The following SSTR3 variants were observed in gnomAD, a reference collection of about 807,000 sequenced individuals.
SSTR3 encodes the protein somatostatin receptor type 3.
For synonymous variants in SSTR3, 281 were observed against 269.2 expected (o/e 1.04, Z -0.43); for missense variants, 504 against 604.7 (o/e 0.83, Z 1.75).
At chr22:37,210,293 C>T (rs1249533275) in intron 1 of SSTR3, among the ~76,000 whole-genome samples, 1 of 152,232 alleles carries the variant, frequency 6.6e-6, no homozygotes, top group Non-Finnish European at 1.5e-5. Context: ...CCCACCCCCA[C>T]GCCTGCCCAG....
intron 1 of SSTR3, 108 bp downstream of exon 1, chr22:37,211,717 C>A (rs1478250470): frequency 7.1e-6 from 7 of 981,914 alleles, no homozygotes; most frequent in Non-Finnish European, 8.5e-6. Flanking sequence ...CCCTGGGAGT[C>A]CCCACCCTCT....
At chr22:37,219,891 G>T in the SSTR3 span, among the ~76,000 whole-genome samples, 1 of 152,160 alleles carries the variant, frequency 6.6e-6, no homozygotes, top group Non-Finnish European at 1.5e-5. Context: ...GTTGGAGGCT[G>T]GGCTCAGCTG....
rs1286751575 is a variant in SSTR3, at chr22:37,211,877, G to A, written c.-89C>T. ...TTGCCGCCAGGCTGGTTATCATTCTGCTGTCCCCTCTCCCTGCCCAGTCCC... is the reference window on the plus strand; with the variant it reads ...TTGCCGCCAGGCTGGTTATCATTCTACTGTCCCCTCTCCCTGCCCAGTCCC... On this transcript the variant is annotated 5_prime_UTR_variant, in exon 1 of 2. Coordinates refer to ENST00000610913, the MANE Select transcript of SSTR3 (RefSeq NM_001051.5). 4 of 985,748 alleles carry A rather than the reference G, an allele frequency of 4.1e-6. No homozygotes were observed. In the East Asian group the frequency reaches 4.5e-4, roughly 112 times the overall value. 61.1% of individuals were successfully genotyped at this position (985,748 alleles called of 1,614,324 possible).
upstream of SSTR3, among the ~76,000 whole-genome samples, chr22:37,213,530 G>A (rs1298153474): frequency 2.0e-5 from 3 of 152,114 alleles, no homozygotes; most frequent in Admixed American, 6.5e-5. Flanking sequence ...CCATGCATGC[G>A]GCAGCACACA....
chr22:37,206,774 G>A lies in SSTR3; in HGVS notation c.1030C>T (p.Pro344Ser). ...RVRSQEPTVG[P>S]PEKTEEEDEE... is the part of the protein sequence containing the mutation. ...TCCTCCTCCTCAGTCTTCTCCGGGGGCCCCACAGTGGGCTCCTGGCTGCGC... is the reference window on the plus strand; with the variant it reads ...TCCTCCTCCTCAGTCTTCTCCGGGGACCCCACAGTGGGCTCCTGGCTGCGC... The change falls in exon 2 of 2, where the codon CCC (proline) becomes TCC (serine). Residue 344 changes from proline to serine, a missense_variant. Transcript: ENST00000610913. 1 of 1,610,796 alleles carries A rather than the reference G, an allele frequency of 6.2e-7. No homozygotes were observed. The highest frequency in any genetic ancestry group is 8.5e-7 in the Non-Finnish European group (1 of 1,179,732).
chr22:37,206,523 G>T lies in SSTR3; in HGVS notation c.*24C>A. The T allele has an allele frequency of 6.3e-7, 1 of 1,575,932 alleles. No individual in the cohort carries two copies. On this transcript the variant is annotated 3_prime_UTR_variant, in exon 2 of 2. Transcript: ENST00000610913. ...CCCACGGCTTCTGCCTCTTCCTCGG[G>T]CCATCCTGGCTTTCCCCAGGCCCCT...
In SSTR3 at chr22:37,207,696, G is replaced by T. The variant is rs761652974; in HGVS notation, c.108C>A (p.Ser36Arg). The T allele has an allele frequency of 6.4e-7, 1 of 1,556,660 alleles. No homozygotes were observed. Among genetic ancestry groups the T allele is most frequent in the South Asian group, 1.2e-5 (1 of 82,876 alleles). The change falls in exon 2 of 2, where the codon AGC (serine) becomes AGA (arginine). Residue 36 changes from serine (S) to arginine (R), a missense_variant. Ser to Arg is a moderately radical substitution (Grantham distance 110, BLOSUM62 -1). Coordinates refer to ENST00000610913, the MANE Select transcript of SSTR3 (RefSeq NM_001051.5). ...CGCCACTGACGGCCAGCCCTGCCGG[G>T]CTTGGGCCCGCCGACACGTTGCCCA... is the stretch of plus-strand genomic sequence containing the variant. ...ATLGNVSAGP[S>R]PAGLAVSGVL...
Position 37,207,615 on chromosome 22 carries a change from C to A in SSTR3, c.189G>T (p.Ser63=). ...GCCGCAGGACCACATAGATGACCAG[C>A]GAGTTACCCAGCAGGCCCACCACGC... ...VVCVVGLLGN[S]LVIYVVLRHT... is the part of the protein sequence containing the mutation. The change falls in exon 2 of 2, where the codon TCG becomes TCT. Residue 63 remains serine (S), a synonymous_variant. Transcript: ENST00000610913. 1 of 1,605,074 alleles carries A rather than the reference C, an allele frequency of 6.2e-7. No homozygotes were observed. The highest frequency in any genetic ancestry group is 1.1e-5 in the South Asian group (1 of 90,558).
At chr22:37,216,680 C>T (rs1439468786), upstream of SSTR3, among the ~76,000 whole-genome samples, 1 of 152,246 alleles carries the variant, frequency 6.6e-6, no homozygotes, top group East Asian at 1.9e-4. Context: ...GATTCTCTCT[C>T]CATTGTTGTT....
chr22:37,211,835 G>T lies in SSTR3; in HGVS notation c.-47C>A. On this transcript the variant is annotated 5_prime_UTR_variant, in exon 1 of 2. Transcript: ENST00000610913. Reference sequence around the variant, plus strand: ...CCCCAGCCTCCTTACCTGCCCATGGGGTGAGGGCTTCCCTCCTTGCCGCCA... The same window carrying T: ...CCCCAGCCTCCTTACCTGCCCATGGTGTGAGGGCTTCCCTCCTTGCCGCCA... 1 of 985,772 alleles carries T rather than the reference G, an allele frequency of 1.0e-6. No homozygotes were observed. The highest frequency in any genetic ancestry group is 1.2e-6 in the Non-Finnish European group (1 of 830,208). The allele number at this position is 985,772 out of a possible 1,614,324, so 61.1% of individuals were successfully genotyped here. A position where few individuals can be genotyped will look rare whatever the true frequency, so the allele number is the denominator to read the frequency against.
rs888004338 is a variant in SSTR3, at chr22:37,211,906, G to A, written c.-118C>T. 1.0e-6 allele frequency: 1 copy of A among 985,662 alleles called. No homozygotes were observed. The highest frequency in any genetic ancestry group is 1.2e-6 in the Non-Finnish European group (1 of 830,200). The allele number at this position is 985,662 out of a possible 1,614,324, so 61.1% of individuals were successfully genotyped here. ...TCCCCTCTCCCTGCCCAGTCCCCAG[G>A]TGCCCCCAGGGCACTCCTAACTAGG... On this transcript the variant is annotated 5_prime_UTR_variant, in exon 1 of 2. Coordinates refer to ENST00000610913, the MANE Select transcript of SSTR3 (RefSeq NM_001051.5).
chr22:37,219,147 C>T, the SSTR3 span, among the ~76,000 whole-genome samples: 73 of 152,324 alleles, frequency 4.8e-4, no homozygotes, highest in Middle Eastern at 0.01. Context: ...TCCTTCTTGT[C>T]GTGGCTGCTT....
chr22:37,218,943 T>C, the SSTR3 span, among the ~76,000 whole-genome samples: 1 of 152,242 alleles, frequency 6.6e-6, no homozygotes, highest in Non-Finnish European at 1.5e-5. Flanking sequence ...ACCAGGTGAT[T>C]TGCATCTTTT....
intron 1 of SSTR3, among the ~76,000 whole-genome samples, chr22:37,210,006 G>C (rs932704454): frequency 6.6e-6 from 1 of 152,242 alleles, no homozygotes. Flanking sequence ...CAGAATGCTA[G>C]AATGAGTCCT....
chr22:37,217,683 A>AT, the SSTR3 span, among the ~76,000 whole-genome samples: 4 of 148,840 alleles, frequency 2.7e-5, no homozygotes, highest in Admixed American at 2.0e-4. Context: ...TTTTTATTTT[A>AT]TTTTTTTGTT....
upstream of SSTR3, among the ~76,000 whole-genome samples, chr22:37,217,037 G>A (rs971462178): frequency 6.6e-6 from 1 of 152,174 alleles, no homozygotes; most frequent in Non-Finnish European, 1.5e-5. Context: ...CTGGGCTCAA[G>A]TGATCCACCT....
upstream of SSTR3, among the ~76,000 whole-genome samples, chr22:37,213,625 T>C (rs544094953): frequency 1.3e-5 from 2 of 152,328 alleles, no homozygotes; most frequent in South Asian, 4.1e-4. Flanking sequence ...ACAAGGCCCT[T>C]GCTCCAGGTC....
chr22:37,213,029 C>T (rs954793750), upstream of SSTR3, among the ~76,000 whole-genome samples: 1 of 152,128 alleles, frequency 6.6e-6, no homozygotes, highest in African/African-American at 2.4e-5. Flanking sequence ...TAATTGAGGC[C>T]AGTATTTTGT....
the SSTR3 span, among the ~76,000 whole-genome samples, chr22:37,219,653 G>A: frequency 1.1e-4 from 16 of 152,138 alleles, no homozygotes; most frequent in Non-Finnish European, 1.5e-4. Flanking sequence ...GAAGAGTCTA[G>A]ACTCCAAAAA....
Sources: gnomAD v4.1 joint callset for allele counts (sites outside exome capture counted in the v4.1 genomes callset) on GRCh38, gnomAD v4.1.1 for gene constraint, MANE v1.5 for transcripts, NCBI Gene and HGNC (gene_info 2026-07-23, HGNC 2026-07-21) for gene names.